Variants in RNF20 observed in about 807,000 individuals in gnomAD.
The protein encoded by RNF20 is E3 ubiquitin-protein ligase BRE1A.
A neutral mutation model predicts 126.2 loss-of-function variants in RNF20; 84 were observed. That is an observed-to-expected ratio of 0.67 (90% CI 0.56 to 0.80). The LOEUF is 0.80. Ranked by LOEUF, RNF20 falls within the 30% of genes least tolerant of loss-of-function variation. The pLI, the probability that RNF20 is intolerant of heterozygous loss-of-function variation, is 0.00. For missense variants in RNF20, 869 were observed against 1,188.2 expected (o/e 0.73, Z 3.95); for synonymous variants, 400 against 414.3 (o/e 0.97, Z 0.42).
At chr9:101,537,404 A>T (rs1827200800) in intron 2 of RNF20, among the ~76,000 whole-genome samples, 1 of 152,108 alleles carries the variant, frequency 6.6e-6, no homozygotes, top group Admixed American at 6.5e-5. Flanking sequence ...GTCATGGAGG[A>T]TGAATTGAGT....
Position 101,544,848 on chromosome 9 carries a change from ATCT to A in RNF20, c.716_718del (p.Leu239del), listed in dbSNP as rs770441841. On this transcript the variant is annotated inframe_deletion, in exon 6 of 20. Coordinates refer to ENST00000389120, the MANE Select transcript of RNF20 (RefSeq NM_019592.7). Reference sequence around the variant, plus strand: ...AATATGAGGCTACAGGAATTGACAGATCTTCTTCAGGAAAAGCATCGCACCATG... The same window carrying A: ...AATATGAGGCTACAGGAATTGACAGATCTTCAGGAAAAGCATCGCACCATG... 1.7e-5 allele frequency: 28 copies of A among 1,613,698 alleles called. No homozygotes were observed. The highest frequency in any genetic ancestry group is 2.2e-5 in the South Asian group (2 of 91,082).
chr9:101,556,126 T>C (rs1251315510), intron 15 of RNF20, among the ~76,000 whole-genome samples: 1 of 152,138 alleles, frequency 6.6e-6, no homozygotes, highest in African/African-American at 2.4e-5. Context: ...ATCTTAAAAA[T>C]GTTCAGTCTT....
At position 101,552,646 on chromosome 9, in the gene RNF20, A is replaced by G; in HGVS notation, c.1794A>G (p.Lys598=). Residue 598 remains lysine (K), a synonymous_variant, in exon 13 of 20, where the codon AAA becomes AAG. Coordinates refer to ENST00000389120, the MANE Select transcript of RNF20 (RefSeq NM_019592.7). ...GAGAACGAGAGAAGCAGAAGCTAAA[A>G]GAGTCAGAAAAAGAGAGAGATTCTG... ...KEREREKQKL[K]ESEKERDSAK... is the part of the protein sequence containing the mutation. 6.6e-7 allele frequency: 1 copy of G among 1,524,708 alleles called. No homozygotes were observed. The highest frequency in any genetic ancestry group is 1.1e-5 in the South Asian group (1 of 89,276). 94.4% of individuals were successfully genotyped at this position (1,524,708 alleles called of 1,614,324 possible). A position where few individuals can be genotyped will look rare whatever the true frequency, so the allele number is the denominator to read the frequency against.
At chr9:101,536,806 G>A (rs753818874) in intron 2 of RNF20, among the ~76,000 whole-genome samples, 1 of 152,216 alleles carries the variant, frequency 6.6e-6, no homozygotes, top group African/African-American at 2.4e-5. Flanking sequence ...GCAATGAGGA[G>A]TTAGTGGATA....
At chr9:101,551,047 T>C (rs1170145466) in intron 10 of RNF20, among the ~76,000 whole-genome samples, 1 of 152,216 alleles carries the variant, frequency 6.6e-6, no homozygotes, top group East Asian at 1.9e-4. Context: ...CCAAAAGATG[T>C]GATACATGAG....
chr9:101,540,987 C>T lies in RNF20; in HGVS notation c.628+12C>T. 6.2e-7 allele frequency: 1 copy of T among 1,609,350 alleles called. No homozygotes were observed. Among genetic ancestry groups the T allele is most frequent in the Non-Finnish European group, 8.5e-7 (1 of 1,176,372 alleles). On this transcript the variant is annotated intron_variant, in intron 5 of 19. Transcript: ENST00000389120. ...GCTAAACAGTGGAGGTGAGGCAAGACCCTGGAGGCCGGGAGTAGTGGAGGA... is the reference window on the plus strand; with the variant it reads ...GCTAAACAGTGGAGGTGAGGCAAGATCCTGGAGGCCGGGAGTAGTGGAGGA...
At chr9:101,549,978 C>T (rs1010653109) in intron 9 of RNF20, among the ~76,000 whole-genome samples, 19 of 152,280 alleles carry the variant, frequency 1.2e-4, no homozygotes, top group African/African-American at 3.9e-4. Context: ...CTCGTGTCCT[C>T]GGTCTCTTGC....
At chr9:101,548,157 G>A (rs1378763302) in intron 9 of RNF20, among the ~76,000 whole-genome samples, 1 of 152,204 alleles carries the variant, frequency 6.6e-6, no homozygotes, top group Non-Finnish European at 1.5e-5. Flanking sequence ...GTGTTTGTAT[G>A]TGAGTGTGTG....
rs1490928872 is a variant in RNF20 at position 101,560,928 on chromosome 9, T to C, written c.2508+2T>C. The stretch of plus-strand genomic sequence containing the variant: ...GCCTTAGAGATGAATAAACGCAAGG[T>C]ATGATTGATTAATCTAATGATGGTT... On this transcript the variant is annotated splice_donor_variant, in intron 17 of 19. Coordinates refer to ENST00000389120, the MANE Select transcript of RNF20 (RefSeq NM_019592.7). LOFTEE classifies it high-confidence loss of function. 1 of 1,608,946 alleles carries C rather than the reference T, an allele frequency of 6.2e-7. No homozygotes were observed. Among genetic ancestry groups the C allele is most frequent in the Non-Finnish European group, 8.5e-7 (1 of 1,178,382 alleles).
chr9:101,553,771 G>A (rs569213612), intron 13 of RNF20, among the ~76,000 whole-genome samples: 18 of 152,222 alleles, frequency 1.2e-4, no homozygotes, highest in South Asian at 4.2e-4. Flanking sequence ...GACTTTGAAG[G>A]GAGAAATGAT....
At chr9:101,551,119 A>G (rs372781556) in intron 10 of RNF20, among the ~76,000 whole-genome samples, 1 of 152,188 alleles carries the variant, frequency 6.6e-6, no homozygotes, top group African/African-American at 2.4e-5. Flanking sequence ...TAAGGTATAA[A>G]TATTAAGGAT....
chr9:101,536,470 A>C (rs911668765), intron 2 of RNF20, among the ~76,000 whole-genome samples: 1 of 152,036 alleles, frequency 6.6e-6, no homozygotes, highest in Non-Finnish European at 1.5e-5. Flanking sequence ...GAACATTCAT[A>C]GTGAGTTGTT....
At chr9:101,554,614 T>C in intron 14 of RNF20, 80 bp from the exon 15 acceptor site, 6 of 1,232,690 alleles carry the variant, frequency 4.9e-6, no homozygotes, top group Non-Finnish European at 6.9e-6. Context: ...TTATGAACCT[T>C]CTATCTTTGC....
rs777140211 is a variant in RNF20, at chr9:101,540,921, T to C, written c.574T>C (p.Tyr192His). ...AGCCGTGTCCCAGATTGTGACTGTT[T>C]ATGATAAATTGCAAGAAAAAGTGGA... ...RRAVSQIVTV[Y>H]DKLQEKVELL... Residue 192 changes from tyrosine to histidine, a missense_variant, in exon 5 of 20, where the codon TAT becomes CAT. Around this residue, in one of 8 missense-constraint regions of RNF20, gnomAD observed 103 missense variants for 94.3 expected, o/e 1.09. Transcript: ENST00000389120. 1.4e-5 allele frequency: 23 copies of C among 1,613,902 alleles called. No individual in the cohort carries two copies. Among genetic ancestry groups the C allele is most frequent in the Non-Finnish European group, 1.9e-5 (22 of 1,180,008 alleles).
intron 18 of RNF20, 65 bp downstream of exon 18, chr9:101,561,295 C>T (rs1827625435): frequency 6.6e-7 from 1 of 1,508,484 alleles, no homozygotes; most frequent in African/African-American, 1.4e-5. Context: ...TGACCCATAT[C>T]ATGAAAGAAT....
In RNF20 at chr9:101,561,223, G is replaced by C; in HGVS notation, c.2642G>C (p.Arg881Pro). Residue 881 changes from arginine to proline, a missense_variant, in exon 18 of 20, where the codon CGA becomes CCA. By Grantham distance (103) the Arg-to-Pro change is moderately radical. Transcript: ENST00000389120. The part of the protein sequence containing the change: ...TKEKDMFNFK[R>P]AQEDISRLRR... ...GAAAAGGACATGTTCAATTTCAAAC[G>C]AGCCCAGGTAAAAGCAGTTGTCTTT... 6.2e-7 allele frequency: 1 copy of C among 1,613,560 alleles called. No individual in the cohort carries two copies. The highest frequency in any genetic ancestry group is 8.5e-7 in the Non-Finnish European group (1 of 1,179,656).
chr9:101,561,056 A>G, intron 17 of RNF20, 34 bp from the exon 18 acceptor site: 2 of 1,610,522 alleles, frequency 1.2e-6, no homozygotes, highest in Non-Finnish European at 8.5e-7. Flanking sequence ...AATAGGTGAT[A>G]CAATGGTGTC....
At position 101,553,301 on chromosome 9, in the gene RNF20, G is replaced by A. The variant is rs73503239; in HGVS notation, c.1901+548G>A. Among the ~76,000 whole-genome samples, 1,161 of 152,246 alleles carry A rather than the reference G, an allele frequency of 7.6e-3. 20 individuals carry two copies. Among genetic ancestry groups the A allele is most frequent in the African/African-American group, 0.027 (1,119 of 41,534 alleles). On this transcript the variant is annotated intron_variant, in intron 13 of 19. Coordinates refer to ENST00000389120, the MANE Select transcript of RNF20 (RefSeq NM_019592.7). ...AACCTTATGCATTGGCCCTTCTCCT[G>A]TATAACCAATAACTTCTCTGGCAGA...
intron 5 of RNF20, among the ~76,000 whole-genome samples, chr9:101,544,335 G>A (rs912570394): frequency 7.2e-5 from 11 of 152,106 alleles, no homozygotes; most frequent in Admixed American, 5.2e-4. Context: ...TCAAGTGATC[G>A]GCCTGCCTTG....
Sources: allele counts gnomAD v4.1 joint callset (sites outside exome capture counted in the v4.1 genomes callset), GRCh38; gene constraint gnomAD v4.1.1; regional missense constraint gnomAD v4.1.1; transcripts MANE v1.5; gene names NCBI Gene and HGNC (gene_info 2026-07-23, HGNC 2026-07-21).